OTOF: variants seen among roughly 807,000 people sequenced by gnomAD.
The protein encoded by OTOF is otoferlin, also known as fer-1-like family member 2.
Under a neutral mutation model 236.8 loss-of-function variants are expected in OTOF, and 218 were observed. That is an observed-to-expected ratio of 0.92 (90% confidence interval 0.82 to 1.03). OTOF has a LOEUF of 1.03. OTOF is among the 50% of genes least tolerant of loss of function. The pLI is 0.00. For synonymous variants in OTOF, 1,041 were observed against 1,072.5 expected (o/e 0.97, Z 0.57); for missense variants, 2,590 against 2,694.4 (o/e 0.96, Z 0.86).
chr2:26,557,693 G>A (rs1667627883), intron 1 of OTOF, among the ~76,000 whole-genome samples: 1 of 151,922 alleles, frequency 6.6e-6, no homozygotes, highest in South Asian at 2.1e-4. Context: ...GGTATTAGCT[G>A]AGTGTTACTT....
In OTOF at chr2:26,520,070, G is replaced by T. The variant is rs540575141; in HGVS notation, c.228-961C>A. Among the ~76,000 whole-genome samples, 5 of 152,348 alleles carry T rather than the reference G, an allele frequency of 3.3e-5. No homozygotes were observed. In the South Asian group the frequency reaches 1.0e-3, roughly 32 times the overall value. On this transcript the variant is annotated intron_variant, in intron 3 of 46. Transcript: ENST00000272371. Reference sequence around the variant, plus strand: ...TGATGGAGTTGACTTCAACCCCATTGCACCCCACAGTCAGAAGGCTGTTTG... The same window carrying T: ...TGATGGAGTTGACTTCAACCCCATTTCACCCCACAGTCAGAAGGCTGTTTG...
At chr2:26,538,653 C>T (rs908766900) in intron 1 of OTOF, among the ~76,000 whole-genome samples, 4 of 152,166 alleles carry the variant, frequency 2.6e-5, no homozygotes, top group African/African-American at 9.7e-5. Context: ...GTTCAGTTCA[C>T]TTTGAGAAAC....
chr2:26,506,531 C>T lies in OTOF; in HGVS notation c.510-2686G>A, dbSNP rs528803742. ...GGATCTGGCCCTGCTGCCTGAGTCCCGGGGGGAGTGCAAGGTAGCAAGAAA... is the reference window on the plus strand; with the variant it reads ...GGATCTGGCCCTGCTGCCTGAGTCCTGGGGGGAGTGCAAGGTAGCAAGAAA... On this transcript the variant is annotated intron_variant, in intron 5 of 46. Coordinates refer to ENST00000272371, the MANE Select transcript of OTOF (RefSeq NM_194248.3). Among the ~76,000 whole-genome samples, 549 of 152,242 alleles carry T rather than the reference C, an allele frequency of 3.6e-3. 4 individuals are homozygous for T. The highest frequency in any genetic ancestry group is 0.012 in the African/African-American group (513 of 41,542).
intron 5 of OTOF, among the ~76,000 whole-genome samples, chr2:26,513,965 C>T (rs56410732): frequency 0.082 from 12,423 of 152,218 alleles, 1,128 homozygotes; most frequent in African/African-American, 0.23. Flanking sequence ...CTCAGCACTC[C>T]TTGACCCAGA....
At chr2:26,553,557 T>C (rs556549538) in intron 1 of OTOF, among the ~76,000 whole-genome samples, 1 of 152,344 alleles carries the variant, frequency 6.6e-6, no homozygotes, top group Non-Finnish European at 1.5e-5. Flanking sequence ...TCTTCTCCTC[T>C]GTCAGATGGT....
rs1245588246 is a variant in OTOF, at chr2:26,476,361, G to A, written c.2677-44C>T. 5 of 1,577,022 alleles carry A rather than the reference G, an allele frequency of 3.2e-6. No homozygotes were observed. In the East Asian group the frequency reaches 6.7e-5, roughly 21 times the overall value. ...TCACCAGGAGCCTGACGGCTGCCAG[G>A]GCCCAAGAGGTGGGGAAGGGGCAGG... is the stretch of plus-strand genomic sequence containing the variant. On this transcript the variant is annotated intron_variant, in intron 22 of 46. Coordinates refer to ENST00000272371, the MANE Select transcript of OTOF (RefSeq NM_194248.3).
In OTOF at chr2:26,543,113, C is replaced by T. The variant is rs531782750; in HGVS notation, c.80-5339G>A. On this transcript the variant is annotated intron_variant, in intron 1 of 46. Transcript: ENST00000272371. Reference sequence around the variant, plus strand: ...AAGCTCCCATGTCCTGGCGTCTCCTCTCCCTCTCTTCCTCTACAGCGACTC... The same window carrying T: ...AAGCTCCCATGTCCTGGCGTCTCCTTTCCCTCTCTTCCTCTACAGCGACTC... 3.4e-4 allele frequency among the ~76,000 whole-genome samples: 52 copies of T among 152,318 alleles called. 1 individual carries two copies. In the South Asian group the frequency reaches 0.011, roughly 31 times the overall value.
At position 26,472,522 on chromosome 2, in the gene OTOF, G is replaced by A. The variant is rs147552283; in HGVS notation, c.3861C>T (p.Asp1287=). The A allele has an allele frequency of 1.7e-5, 27 of 1,613,350 alleles. No individual in the cohort carries two copies. Among genetic ancestry groups the A allele is most frequent in the East Asian group, 1.3e-4 (6 of 44,892 alleles). The change falls in exon 30 of 47, where the codon GAC becomes GAT. Residue 1287 remains aspartate (D), a synonymous_variant. Transcript: ENST00000272371. ...GGGCTGACCCCACCCGCCTTACCGC[G>A]TCCAGCTTCACCATGGTCTCCAGTT... The part of the protein sequence containing the change: ...IKKLETMVKL[D]ATSEAVVKVD...
In OTOF at chr2:26,460,666, C is replaced by G. The variant is rs1269334705; in HGVS notation, c.5794G>C (p.Asp1932His). The part of the protein sequence containing the change: ...NPVGLARNEP[D>H]PLEKPNRPDT... ...ACTCACTTGGGTTTCTCTAGGGGGT[C>G]AGGTTCATTGCGGGCCAGGCCCACT... is the stretch of plus-strand genomic sequence containing the variant. Residue 1932 changes from aspartate (D) to histidine (H), a missense_variant, in exon 45 of 47, where the codon GAC (aspartate) becomes CAC (histidine). Asp to His is a moderately conservative substitution (Grantham distance 81). Transcript: ENST00000272371. The surrounding 1 kb of genome is among the most constrained non-coding windows in gnomAD (Gnocchi z 5.3). 3.1e-6 allele frequency: 5 copies of G among 1,614,034 alleles called. No homozygotes were observed. The highest frequency in any genetic ancestry group is 3.4e-6 in the Non-Finnish European group (4 of 1,179,928).
intron 30 of OTOF, among the ~76,000 whole-genome samples, chr2:26,471,544 C>T (rs1347811356): frequency 6.6e-6 from 1 of 152,186 alleles, no homozygotes. Flanking sequence ...TCCTCTGACC[C>T]AGGCCAGGGA....
At chr2:26,495,225 A>C in intron 8 of OTOF, 152 bp from the exon 9 acceptor site, 1 of 694,730 alleles carries the variant, frequency 1.4e-6, no homozygotes, top group Non-Finnish European at 2.4e-6. Context: ...ACTGCCTCTC[A>C]TCTGCTGGGT....
At chr2:26,503,721 G>A (rs764347304) in intron 6 of OTOF, 51 bp downstream of exon 6, 26 of 1,527,458 alleles carry the variant, frequency 1.7e-5, no homozygotes, top group Non-Finnish European at 2.4e-5. Context: ...AAAGCGGCGG[G>A]AGGGCGCCGC....
intron 36 of OTOF, chr2:26,466,347 T>TTTC (rs1664725434): frequency 3.7e-6 from 2 of 536,982 alleles, no homozygotes; most frequent in East Asian, 6.8e-5. Context: ...TTCTTTTTTT[T>TTTC]TTCCTTTGAG....
intron 30 of OTOF, 83 bp from the exon 31 acceptor site, chr2:26,471,233 G>T (rs564607092): frequency 6.7e-7 from 1 of 1,501,542 alleles, no homozygotes; most frequent in Non-Finnish European, 9.3e-7. Context: ...AGGGTGTGTG[G>T]AGGAGCCGAG....
chr2:26,545,329 T>C (rs1381866029), intron 1 of OTOF, among the ~76,000 whole-genome samples: 3 of 152,218 alleles, frequency 2.0e-5, no homozygotes, highest in Non-Finnish European at 4.4e-5. Context: ...TCTTCAAGTC[T>C]TTTGCCTACA....
chr2:26,472,269 A>G (rs1665023010), intron 30 of OTOF: 5 of 546,734 alleles, frequency 9.1e-6, no homozygotes, highest in South Asian at 7.6e-5. Context: ...GCACACACAC[A>G]TGCACATATG....
At chr2:26,557,881 T>C (rs1255961224) in intron 1 of OTOF, among the ~76,000 whole-genome samples, 2 of 151,846 alleles carry the variant, frequency 1.3e-5, no homozygotes, top group African/African-American at 4.8e-5. Flanking sequence ...TCTGTGTTTC[T>C]ACCCCTATCC....
chr2:26,501,650 G>T, intron 8 of OTOF, 104 bp downstream of exon 8: 1 of 818,112 alleles, frequency 1.2e-6, no homozygotes, highest in South Asian at 1.4e-5. Context: ...TGTTCTCTAT[G>T]ACCCCTGGAT....
intron 2 of OTOF, among the ~76,000 whole-genome samples, chr2:26,531,974 T>C (rs1353508125): frequency 1.3e-5 from 2 of 151,490 alleles, no homozygotes; most frequent in Non-Finnish European, 2.9e-5. Flanking sequence ...ATGCCTGTAA[T>C]CTCAGCTACT....
Sources: gnomAD v4.1 joint callset for allele counts (sites outside exome capture counted in the v4.1 genomes callset) on GRCh38, gnomAD v4.1.1 for gene constraint, Gnocchi (gnomAD v3.1) non-coding constraint, MANE v1.5 for transcripts, NCBI Gene and HGNC (gene_info 2026-07-23, HGNC 2026-07-21) for gene names.